Variants in NRCAM observed in about 807,000 individuals in gnomAD.
The protein encoded by NRCAM is NgCAM-related cell adhesion molecule.
NRCAM carries 83 observed loss-of-function variants against 156.5 expected under a neutral mutation model. The observed-to-expected ratio is 0.53, with a 90% CI of 0.44 to 0.64. The LOEUF is 0.64. Among genes scored for constraint, NRCAM ranks in the 30% least tolerant of loss-of-function variants. The pLI is 0.00. For synonymous variants in NRCAM, 538 were observed against 563.9 expected, an observed-to-expected ratio of 0.95 and a Z score of 0.65; for missense variants, 1,417 against 1,597.3, an observed-to-expected ratio of 0.89 and a Z score of 1.92.
intron 2 of NRCAM, among the ~76,000 whole-genome samples, chr7:108,331,075 C>T (rs866229081): frequency 7.2e-5 from 11 of 152,122 alleles, no homozygotes; most frequent in Admixed American, 2.0e-4. Context: ...TTCATTTAAA[C>T]CTAAAAATAT....
intron 2 of NRCAM, among the ~76,000 whole-genome samples, chr7:108,337,695 A>G (rs2099215025): frequency 6.6e-6 from 1 of 152,094 alleles, no homozygotes; most frequent in South Asian, 2.1e-4. Context: ...TGTGAGGCCA[A>G]GAACCCTAGG....
intron 22 of NRCAM, 85 bp downstream of exon 22, chr7:108,184,156 G>C: frequency 1.1e-6 from 1 of 909,214 alleles, no homozygotes; most frequent in East Asian, 2.6e-5. Context: ...TAGGTGAAAT[G>C]AGATTCTAAT....
chr7:108,201,176 T>A (rs1390772911), intron 13 of NRCAM, among the ~76,000 whole-genome samples: 2 of 130,642 alleles, frequency 1.5e-5, no homozygotes, highest in Admixed American at 7.8e-5. Flanking sequence ...TTAAGGTCGG[T>A]AAAAAAAAAA....
chr7:108,232,309 G>T lies in NRCAM; in HGVS notation c.427+17C>A. On this transcript the variant is annotated intron_variant, in intron 7 of 32. Transcript: ENST00000379028. ...TACTTTAAAAAGGGTCATGTTGGTTGACAAGTTTCCACTTACTGGATGGGC... is the reference window on the plus strand; with the variant it reads ...TACTTTAAAAAGGGTCATGTTGGTTTACAAGTTTCCACTTACTGGATGGGC... 1 of 1,575,848 alleles carries T rather than the reference G, an allele frequency of 6.3e-7. No homozygotes were observed. The highest frequency in any genetic ancestry group is 1.2e-5 in the South Asian group (1 of 85,572).
intron 32 of NRCAM, 59 bp downstream of exon 32, chr7:108,159,404 T>C (rs2047481544): frequency 1.4e-6 from 2 of 1,446,000 alleles, no homozygotes; most frequent in East Asian, 2.3e-5. Context: ...CTGAGTTCTA[T>C]TCTCGGGACT....
chr7:108,236,652 T>C (rs1169962635), intron 5 of NRCAM, among the ~76,000 whole-genome samples: 2 of 152,212 alleles, frequency 1.3e-5, no homozygotes, highest in South Asian at 2.1e-4. Context: ...AAATTCTCAG[T>C]GTATACCAAT....
At chr7:108,336,369 C>A (rs2099190866) in intron 2 of NRCAM, among the ~76,000 whole-genome samples, 1 of 152,100 alleles carries the variant, frequency 6.6e-6, no homozygotes, top group Non-Finnish European at 1.5e-5. Flanking sequence ...TGATAAAAAG[C>A]ACAGAAATTT....
chr7:108,180,409 G>A lies in NRCAM; in HGVS notation c.2665C>T (p.Gln889Ter). The A allele has an allele frequency of 6.2e-7, 1 of 1,614,036 alleles. No individual in the cohort carries two copies. The highest frequency in any genetic ancestry group is 1.1e-5 in the South Asian group (1 of 91,070). ...QGYRIYYWKT[Q>*]SSSKRNRRHI... ...CGTCTGTTTCTTTTAGATGAACTCT[G>A]GGTCTTCCAATAGTAAATCTGAAAC... Residue 889 changes from glutamine (Q) to a stop codon, truncating the protein, a stop_gained, in exon 25 of 33, where the codon CAG becomes TAG. Coordinates refer to ENST00000379028, the MANE Select transcript of NRCAM (RefSeq NM_001037132.4). LOFTEE classifies it high-confidence loss of function.
intron 3 of NRCAM, among the ~76,000 whole-genome samples, chr7:108,251,044 T>C (rs2096313592): frequency 6.6e-6 from 1 of 152,200 alleles, no homozygotes; most frequent in Non-Finnish European, 1.5e-5. Flanking sequence ...CCTCTGGTTT[T>C]TATTAAAGTT....
chr7:108,268,635 T>C (rs28638296), intron 3 of NRCAM, among the ~76,000 whole-genome samples: 2 of 37,626 alleles, frequency 5.3e-5, no homozygotes, highest in African/African-American at 1.4e-4. Context: ...TGGGGGGGGG[T>C]TGGGGGGGGC....
intron 3 of NRCAM, among the ~76,000 whole-genome samples, chr7:108,279,554 C>T (rs10156084): frequency 0.044 from 6,703 of 151,828 alleles, 504 homozygotes; most frequent in African/African-American, 0.15. Context: ...GATCTTGCTC[C>T]GTTACCCAGG....
intron 2 of NRCAM, among the ~76,000 whole-genome samples, chr7:108,335,434 CTTTT>C (rs58975301): frequency 0.03 from 2,103 of 69,838 alleles, 52 homozygotes; most frequent in African/African-American, 0.11. Flanking sequence ...GTTCCACCTG[CTTTT>C]TTTTTTTTTT....
chr7:108,349,553 C>A (rs1016395989), intron 2 of NRCAM, among the ~76,000 whole-genome samples: 2 of 152,144 alleles, frequency 1.3e-5, no homozygotes, highest in African/African-American at 4.8e-5. Flanking sequence ...CAGGCATGAG[C>A]CACCGTGCCT....
At chr7:108,170,372 G>A (rs2057730885) in intron 28 of NRCAM, among the ~76,000 whole-genome samples, 1 of 152,174 alleles carries the variant, frequency 6.6e-6, no homozygotes, top group Non-Finnish European at 1.5e-5. Flanking sequence ...GAATCACTAA[G>A]CTAAAGGGAA....
intron 32 of NRCAM, among the ~76,000 whole-genome samples, chr7:108,152,344 C>G (rs1215548371): frequency 1.3e-5 from 2 of 151,260 alleles, no homozygotes; most frequent in Admixed American, 6.6e-5. Flanking sequence ...GAGTAACAAG[C>G]AGTATAAATG....
At chr7:108,295,038 CAG>C (rs1343154721) in intron 3 of NRCAM, among the ~76,000 whole-genome samples, 1 of 152,126 alleles carries the variant, frequency 6.6e-6, no homozygotes, top group Non-Finnish European at 1.5e-5. Context: ...CTAATAACAA[CAG>C]GGGTTAAGAA....
At chr7:108,399,371 A>AT (rs1321044439) in intron 2 of NRCAM, 65 bp downstream of exon 2, 1 of 152,202 alleles carries the variant, frequency 6.6e-6, no homozygotes, top group Non-Finnish European at 1.5e-5. Context: ...TTCCAAGTAG[A>AT]TTTTGGAAGA....
At chr7:108,208,052 G>A (rs1241768717) in intron 12 of NRCAM, among the ~76,000 whole-genome samples, 1 of 151,926 alleles carries the variant, frequency 6.6e-6, no homozygotes, top group East Asian at 1.9e-4. Flanking sequence ...CCAACACTTT[G>A]GGAAGCCAAA....
At chr7:108,228,521 C>T (rs2093837533) in intron 8 of NRCAM, among the ~76,000 whole-genome samples, 2 of 152,064 alleles carry the variant, frequency 1.3e-5, no homozygotes, top group Admixed American at 6.6e-5. Flanking sequence ...AAAATGTATG[C>T]AGATAGGAAT....
Sources: allele counts gnomAD v4.1 joint callset (sites outside exome capture counted in the v4.1 genomes callset), GRCh38; gene constraint gnomAD v4.1.1; transcripts MANE v1.5; gene names NCBI Gene and HGNC (gene_info 2026-07-23, HGNC 2026-07-21).